The following CEMIP variants were observed in gnomAD, a reference collection of about 807,000 sequenced individuals.
CEMIP encodes the protein cell migration-inducing and hyaluronan-binding protein.
A neutral mutation model predicts 156.9 loss-of-function variants in CEMIP; 105 were observed. That is an observed-to-expected ratio of 0.67 (90% CI 0.57 to 0.79). CEMIP has a LOEUF of 0.79. Among genes scored for constraint, CEMIP ranks in the 30% least tolerant of loss-of-function variants. The pLI is 0.00. For missense variants in CEMIP, 1,457 were observed against 1,769.4 expected (o/e 0.82, Z 3.17); for synonymous variants, 676 against 668.4 (o/e 1.01, Z -0.17).
chr15:80,912,742 AT>A (rs1458418399), intron 14 of CEMIP, among the ~76,000 whole-genome samples: 2 of 152,108 alleles, frequency 1.3e-5, no homozygotes. Context: ...TGGGGCAGAG[AT>A]TTCCACATTC....
chr15:80,935,127 C>T (rs1193556632), intron 23 of CEMIP, among the ~76,000 whole-genome samples: 1 of 152,048 alleles, frequency 6.6e-6, no homozygotes, highest in Admixed American at 6.6e-5. Context: ...CATGGGGTGG[C>T]TTCTGCTGTA....
chr15:80,833,181 G>A lies in CEMIP; in HGVS notation c.-175-40357G>A, dbSNP rs146962747. Among the ~76,000 whole-genome samples, 12 of 152,232 alleles carry A rather than the reference G, an allele frequency of 7.9e-5. No homozygotes were observed. The East Asian group carries it at 1.7e-3, about 22-fold the overall frequency. On this transcript the variant is annotated intron_variant, in intron 1 of 29. Coordinates refer to ENST00000394685, the MANE Select transcript of CEMIP (RefSeq NM_001293298.2). ...AAGGACTATCAAAGAATGCAGACAC[G>A]TTTTAAAACCAACATGCCAATCTCT...
At chr15:80,834,261 T>C (rs995278820) in intron 1 of CEMIP, among the ~76,000 whole-genome samples, 8 of 152,268 alleles carry the variant, frequency 5.3e-5, no homozygotes, top group African/African-American at 1.9e-4. Flanking sequence ...CTCTGCAGCA[T>C]GCCTTTTCAG....
chr15:80,880,806 AG>A, intron 5 of CEMIP, 93 bp from the exon 6 acceptor site: 2 of 986,704 alleles, frequency 2.0e-6, no homozygotes. Flanking sequence ...GTGGGGGGTC[AG>A]GGAGCTGAGC....
chr15:80,906,414 A>G lies in CEMIP; in HGVS notation c.1412-249A>G, dbSNP rs1001870548. Among the ~76,000 whole-genome samples the G allele has an allele frequency of 3.3e-5, 5 of 152,178 alleles. No individual in the cohort carries two copies. The highest frequency in any genetic ancestry group is 1.2e-4 in the African/African-American group (5 of 41,440). Reference sequence around the variant, plus strand: ...GACTGAAAAACAGAAGAGGAGACAAATATTAGGGGACAATTAGCCATTTCT... The same window carrying G: ...GACTGAAAAACAGAAGAGGAGACAAGTATTAGGGGACAATTAGCCATTTCT... On this transcript the variant is annotated intron_variant, in intron 12 of 29. Transcript: ENST00000394685. The surrounding 1 kb of genome is among the most constrained non-coding windows in gnomAD (Gnocchi z 4.3).
intron 1 of CEMIP, among the ~76,000 whole-genome samples, chr15:80,824,163 G>C (rs1243690518): frequency 1.3e-5 from 2 of 152,210 alleles, no homozygotes; most frequent in South Asian, 4.1e-4. Flanking sequence ...GGGCCCTGGG[G>C]ACGGGTGTTG....
intron 4 of CEMIP, 100 bp from the exon 5 acceptor site, chr15:80,879,616 C>G: frequency 7.1e-7 from 1 of 1,407,158 alleles, no homozygotes; most frequent in Non-Finnish European, 1.0e-6. Context: ...TTGCCTGCCC[C>G]GGTGAGATGG....
intron 25 of CEMIP, among the ~76,000 whole-genome samples, chr15:80,938,371 C>T (rs1273879931): frequency 6.6e-6 from 1 of 152,134 alleles, no homozygotes; most frequent in Admixed American, 6.6e-5. Context: ...CTTTGGGAGG[C>T]CGAGGTGGGT....
intron 8 of CEMIP, 133 bp downstream of exon 8, chr15:80,887,897 C>T (rs1407416858): frequency 1.0e-5 from 8 of 772,592 alleles, no homozygotes; most frequent in Admixed American, 1.0e-4. Context: ...AGTGAGCAGC[C>T]GCTTAACTGG....
At chr15:80,829,821 G>A (rs748019723) in intron 1 of CEMIP, among the ~76,000 whole-genome samples, 14 of 152,150 alleles carry the variant, frequency 9.2e-5, no homozygotes, top group Non-Finnish European at 1.8e-4. Context: ...GGGTTTTTAT[G>A]GGGAGTATAG....
intron 1 of CEMIP, among the ~76,000 whole-genome samples, chr15:80,781,677 A>G (rs1313006142): frequency 5.3e-5 from 8 of 152,188 alleles, no homozygotes; most frequent in Non-Finnish European, 1.2e-4. Context: ...AAATTTTGAG[A>G]CAGCATCTGT....
intron 12 of CEMIP, among the ~76,000 whole-genome samples, chr15:80,900,638 G>GTGTGTGTGTGTGTCTGTGTGTC (rs1567090910): frequency 1.2e-3 from 122 of 101,870 alleles, no homozygotes; most frequent in Non-Finnish European, 2.1e-3. Flanking sequence ...GTGTGTGTGT[G>GTGTGTGTGTGTGTCTGTGTGTC]TGTGTGTGTG....
intron 1 of CEMIP, among the ~76,000 whole-genome samples, chr15:80,802,259 T>C (rs1327095059): frequency 2.6e-5 from 4 of 152,190 alleles, no homozygotes; most frequent in South Asian, 2.1e-4. Flanking sequence ...GCAGACACCA[T>C]AAGGCGGGAA....
At chr15:80,782,184 T>C (rs1895815933) in intron 1 of CEMIP, among the ~76,000 whole-genome samples, 1 of 152,216 alleles carries the variant, frequency 6.6e-6, no homozygotes, top group Non-Finnish European at 1.5e-5. Flanking sequence ...TTTTTCCTGA[T>C]TGTTCTCTCA....
At chr15:80,924,218 G>A (rs1238480459) in intron 17 of CEMIP, among the ~76,000 whole-genome samples, 1 of 152,186 alleles carries the variant, frequency 6.6e-6, no homozygotes, top group African/African-American at 2.4e-5. Flanking sequence ...GTAAAGATGG[G>A]ACTTAGGTTC....
intron 1 of CEMIP, among the ~76,000 whole-genome samples, chr15:80,856,878 C>G (rs1897864213): frequency 6.6e-6 from 1 of 152,184 alleles, no homozygotes; most frequent in Non-Finnish European, 1.5e-5. Flanking sequence ...GTAAATTTCA[C>G]CTGCGTGCAG....
intron 6 of CEMIP, among the ~76,000 whole-genome samples, chr15:80,881,513 AAG>A (rs1487360936): frequency 6.6e-6 from 1 of 152,190 alleles, no homozygotes; most frequent in Non-Finnish European, 1.5e-5. Context: ...ATGTCAGGGA[AAG>A]AGTGTTCAAG....
chr15:80,909,016 C>G, intron 13 of CEMIP, 81 bp from the exon 14 acceptor site: 1 of 1,297,412 alleles, frequency 7.7e-7, no homozygotes, highest in South Asian at 1.2e-5. Flanking sequence ...AATGCCTCTG[C>G]ATCTTTGGAA....
chr15:80,942,692 C>T (rs1901388148), intron 27 of CEMIP, among the ~76,000 whole-genome samples: 1 of 152,222 alleles, frequency 6.6e-6, no homozygotes, highest in Non-Finnish European at 1.5e-5. Context: ...AATCTTTTAA[C>T]TTAATTCCGT....
Sources: gnomAD v4.1 joint callset for allele counts (sites outside exome capture counted in the v4.1 genomes callset) on GRCh38, gnomAD v4.1.1 for gene constraint, Gnocchi (gnomAD v3.1) non-coding constraint, MANE v1.5 for transcripts, NCBI Gene and HGNC (gene_info 2026-07-23, HGNC 2026-07-21) for gene names.